GALNTL6: variants seen among roughly 807,000 people sequenced by gnomAD.
GALNTL6 encodes the protein polypeptide N-acetylgalactosaminyltransferase like 6.
GALNTL6 carries 46 observed loss-of-function variants against 73.7 expected under a neutral mutation model. The observed-to-expected ratio is 0.62, with a 90% CI of 0.49 to 0.80. The LOEUF is 0.80. Among genes scored for constraint, GALNTL6 ranks in the 30% least tolerant of loss-of-function variants. GALNTL6 has a pLI of 0.00. For synonymous variants in GALNTL6, 259 were observed against 263.7 expected (o/e 0.98, Z 0.17); for missense variants, 604 against 755.0 (o/e 0.80, Z 2.34).
chr4:171,909,740 C>A (rs1578962877), intron 2 of GALNTL6, among the ~76,000 whole-genome samples: 1 of 152,088 alleles, frequency 6.6e-6, no homozygotes, highest in East Asian at 1.9e-4. Flanking sequence ...AACATGTAAG[C>A]ATTTATAACT....
intron 7 of GALNTL6, among the ~76,000 whole-genome samples, chr4:172,848,077 T>G (rs1743611272): frequency 6.6e-6 from 1 of 152,228 alleles, no homozygotes; most frequent in South Asian, 2.1e-4. Context: ...AAATTTTTTT[T>G]GAACTAGATT....
intron 10 of GALNTL6, among the ~76,000 whole-genome samples, chr4:172,981,289 A>G (rs1169739001): frequency 1.3e-5 from 2 of 152,224 alleles, no homozygotes; most frequent in East Asian, 3.8e-4. Context: ...TTTCTTCCAT[A>G]GCAGCTACCC....
At chr4:172,229,832 A>G in intron 3 of GALNTL6, 68 bp downstream of exon 3, 1 of 916,622 alleles carries the variant, frequency 1.1e-6, no homozygotes, top group Middle Eastern at 2.1e-4. Flanking sequence ...CACGTAAAGG[A>G]TCTCTAATTA....
At chr4:172,145,848 G>C (rs1733913531) in intron 2 of GALNTL6, among the ~76,000 whole-genome samples, 1 of 152,014 alleles carries the variant, frequency 6.6e-6, no homozygotes, top group South Asian at 2.1e-4. Flanking sequence ...AAAATTAATA[G>C]AAGTTTTATG....
chr4:172,633,097 A>T (rs1228298533), intron 5 of GALNTL6, among the ~76,000 whole-genome samples: 1 of 152,202 alleles, frequency 6.6e-6, no homozygotes. Flanking sequence ...CTGCTAGGGC[A>T]GTGTGGAAGG....
intron 5 of GALNTL6, among the ~76,000 whole-genome samples, chr4:172,723,048 G>A (rs1033900984): frequency 2.6e-5 from 4 of 151,978 alleles, no homozygotes; most frequent in Non-Finnish European, 4.4e-5. Context: ...ACATCAAGAG[G>A]GTGCCCACGT....
At chr4:172,515,784 C>T (rs372862128) in intron 5 of GALNTL6, among the ~76,000 whole-genome samples, 5 of 152,300 alleles carry the variant, frequency 3.3e-5, no homozygotes, top group African/African-American at 9.6e-5. Context: ...AGCCCTCAAA[C>T]ACCAATACTC....
chr4:172,891,643 G>T (rs1047116261), intron 8 of GALNTL6, among the ~76,000 whole-genome samples: 1 of 152,114 alleles, frequency 6.6e-6, no homozygotes, highest in Non-Finnish European at 1.5e-5. Context: ...ATAGTATCTT[G>T]CAGGAGTTCT....
chr4:172,856,149 C>G (rs572788368), intron 7 of GALNTL6, among the ~76,000 whole-genome samples: 2 of 152,180 alleles, frequency 1.3e-5, no homozygotes, highest in Admixed American at 6.6e-5. Flanking sequence ...CGTAGTTGGT[C>G]CTTCTTGCTG....
At chr4:172,147,690 A>G (rs1036678615) in intron 2 of GALNTL6, among the ~76,000 whole-genome samples, 5 of 152,202 alleles carry the variant, frequency 3.3e-5, no homozygotes, top group African/African-American at 1.2e-4. Flanking sequence ...GAAAAATAGA[A>G]TAGACAGTAA....
chr4:172,369,698 C>A (rs1315809603), intron 5 of GALNTL6, among the ~76,000 whole-genome samples: 1 of 152,208 alleles, frequency 6.6e-6, no homozygotes, highest in Non-Finnish European at 1.5e-5. Flanking sequence ...GCACCCTCTG[C>A]AGATGCTGGC....
intron 7 of GALNTL6, among the ~76,000 whole-genome samples, chr4:172,814,001 G>A (rs1741460566): frequency 6.6e-6 from 1 of 151,896 alleles, no homozygotes; most frequent in Admixed American, 6.6e-5. Flanking sequence ...AGAAAAGGAA[G>A]GCATGTTCCC....
At chr4:171,815,854 C>T (rs1734511758) in intron 2 of GALNTL6, 4 of 152,088 alleles carry the variant, frequency 2.6e-5, no homozygotes, top group Admixed American at 2.0e-4. Flanking sequence ...TCTGCTTTTT[C>T]ATTATGACAA....
intron 4 of GALNTL6, among the ~76,000 whole-genome samples, chr4:172,322,281 G>A (rs1032429957): frequency 9.2e-5 from 14 of 152,070 alleles, no homozygotes; most frequent in South Asian, 4.1e-4. Context: ...ATGAACTTTC[G>A]CTTCTGCTCT....
chr4:172,416,420 C>A (rs890251320), intron 5 of GALNTL6, among the ~76,000 whole-genome samples: 4 of 152,158 alleles, frequency 2.6e-5, no homozygotes, highest in African/African-American at 4.8e-5. Context: ...GTAAGATATT[C>A]TTTCAATTGT....
chr4:172,213,123 C>T (rs1736386803), intron 2 of GALNTL6, among the ~76,000 whole-genome samples: 2 of 151,086 alleles, frequency 1.3e-5, no homozygotes, highest in Non-Finnish European at 2.9e-5. Flanking sequence ...TTTCATAGTT[C>T]GTTTTTATTA....
chr4:172,533,316 A>ATTTTTTTTTTT (rs34973148), intron 5 of GALNTL6, among the ~76,000 whole-genome samples: 1 of 77,394 alleles, frequency 1.3e-5, no homozygotes, highest in African/African-American at 5.6e-5. Context: ...CCCGGCCAGA[A>ATTTTTTTTTTT]TTTTTTTTTT....
intron 5 of GALNTL6, among the ~76,000 whole-genome samples, chr4:172,543,069 C>T (rs960618932): frequency 8.6e-5 from 13 of 150,836 alleles, no homozygotes; most frequent in African/African-American, 3.2e-4. Flanking sequence ...TGCACTCCAG[C>T]CTGGTGACAG....
chr4:173,031,730 G>A (rs1284704623), intron 12 of GALNTL6, among the ~76,000 whole-genome samples: 2 of 152,166 alleles, frequency 1.3e-5, no homozygotes, highest in Non-Finnish European at 2.9e-5. Flanking sequence ...ACTTCATGCA[G>A]GTTTACTGAG....
Sources: gnomAD v4.1 joint callset for allele counts (sites outside exome capture counted in the v4.1 genomes callset) on GRCh38, gnomAD v4.1.1 for gene constraint, MANE v1.5 for transcripts, NCBI Gene and HGNC (gene_info 2026-07-23, HGNC 2026-07-21) for gene names.